Variants in VAV3 observed in about 807,000 individuals in gnomAD.
The protein encoded by VAV3 is vav guanine nucleotide exchange factor 3, also known as guanine nucleotide exchange factor VAV3.
VAV3 carries 94 observed loss-of-function variants against 131.2 expected under a neutral mutation model. The observed-to-expected ratio is 0.72, with a 90% CI of 0.61 to 0.85. The LOEUF is 0.85. VAV3 is among the 40% of genes least tolerant of loss of function. The pLI, the probability that VAV3 is intolerant of heterozygous loss-of-function variation, is 0.00. For synonymous variants in VAV3, 349 were observed against 342.0 expected, an observed-to-expected ratio of 1.02 and a Z score of -0.22; for missense variants, 939 against 1,002.7, an observed-to-expected ratio of 0.94 and a Z score of 0.86.
intron 18 of VAV3, among the ~76,000 whole-genome samples, chr1:107,687,170 A>G (rs1370207225): frequency 6.6e-6 from 1 of 151,988 alleles, no homozygotes; most frequent in Non-Finnish European, 1.5e-5. Flanking sequence ...ATGGCCTATT[A>G]AAAAAATCAC....
intron 2 of VAV3, among the ~76,000 whole-genome samples, chr1:107,865,594 A>T (rs1669947055): frequency 6.6e-6 from 1 of 152,190 alleles, no homozygotes; most frequent in Admixed American, 6.5e-5. Flanking sequence ...AAGGTTAGAA[A>T]GGTAGGCAGA....
chr1:107,933,934 CTTCT>C (rs934211701), intron 1 of VAV3, among the ~76,000 whole-genome samples: 32 of 152,058 alleles, frequency 2.1e-4, no homozygotes, highest in African/African-American at 7.5e-4. Flanking sequence ...GTTACAGTTT[CTTCT>C]TTGGCCCTTA....
chr1:107,821,760 G>A (rs924651077), intron 2 of VAV3, among the ~76,000 whole-genome samples: 4 of 152,206 alleles, frequency 2.6e-5, no homozygotes, highest in African/African-American at 9.7e-5. Flanking sequence ...TTGCAGGAAG[G>A]CAAGAGCAGG....
At chr1:107,607,538 T>TA (rs1652379123) in intron 22 of VAV3, among the ~76,000 whole-genome samples, 1 of 152,152 alleles carries the variant, frequency 6.6e-6, no homozygotes, top group African/African-American at 2.4e-5. Flanking sequence ...ATCTAGGCCC[T>TA]ACATGGTTCA....
intron 12 of VAV3, among the ~76,000 whole-genome samples, chr1:107,754,690 GC>G (rs1225260145): frequency 1.3e-5 from 2 of 152,126 alleles, no homozygotes; most frequent in African/African-American, 4.8e-5. Flanking sequence ...ATTCCTCATG[GC>G]TCAGAGCCCA....
At chr1:107,879,686 G>A (rs1670674515) in intron 1 of VAV3, among the ~76,000 whole-genome samples, 1 of 141,520 alleles carries the variant, frequency 7.1e-6, no homozygotes, top group African/African-American at 2.7e-5. Flanking sequence ...CCAGCTCACT[G>A]TTTCATAACC....
intron 2 of VAV3, among the ~76,000 whole-genome samples, chr1:107,867,560 C>T (rs1403429313): frequency 6.6e-6 from 1 of 152,156 alleles, no homozygotes; most frequent in Non-Finnish European, 1.5e-5. Context: ...GCTGTTCCCT[C>T]CTCCTTTGCC....
At chr1:107,904,809 C>A (rs1672024924) in intron 1 of VAV3, among the ~76,000 whole-genome samples, 1 of 151,588 alleles carries the variant, frequency 6.6e-6, no homozygotes, top group African/African-American at 2.4e-5. Context: ...GAGAGGCACA[C>A]AATAATGAAC....
Position 107,795,982 on chromosome 1 carries a change from G to T in VAV3, c.322-16490C>A, listed in dbSNP as rs183468737. Reference sequence around the variant, plus strand: ...CCATTAAATCCTAATTCTCAGAGTTGAAGAAGATTGGGTAAAAGCTCAAGA... The same window carrying T: ...CCATTAAATCCTAATTCTCAGAGTTTAAGAAGATTGGGTAAAAGCTCAAGA... On this transcript the variant is annotated intron_variant, in intron 2 of 26. Coordinates refer to ENST00000370056, the MANE Select transcript of VAV3 (RefSeq NM_006113.5). Among the ~76,000 whole-genome samples, 222 of 152,168 alleles carry T rather than the reference G, an allele frequency of 1.5e-3. 2 individuals carry two copies. Among genetic ancestry groups the T allele is most frequent in the African/African-American group, 5.2e-3 (215 of 41,522 alleles).
chr1:107,961,514 T>C (rs976818176), intron 1 of VAV3, among the ~76,000 whole-genome samples: 18 of 152,186 alleles, frequency 1.2e-4, no homozygotes, highest in Non-Finnish European at 2.5e-4. Context: ...ATCTAACATA[T>C]ACAGACACCA....
At chr1:107,612,120 G>A (rs973916640) in intron 21 of VAV3, among the ~76,000 whole-genome samples, 182 of 148,638 alleles carry the variant, frequency 1.2e-3, no homozygotes, top group African/African-American at 4.3e-3. Flanking sequence ...TATAGTATCC[G>A]TACAAAATTA....
chr1:107,791,380 A>G (rs1285256407), intron 2 of VAV3, among the ~76,000 whole-genome samples: 3 of 22,676 alleles, frequency 1.3e-4, no homozygotes, highest in African/African-American at 2.5e-4. Context: ...TTTTTTGGTG[A>G]TATCAAAAAA....
chr1:107,904,023 G>A (rs1671992194), intron 1 of VAV3, among the ~76,000 whole-genome samples: 1 of 151,962 alleles, frequency 6.6e-6, no homozygotes, highest in Non-Finnish European at 1.5e-5. Context: ...CTTCTTCCTG[G>A]CTAACCTATC....
At chr1:107,600,670 A>C (rs1212755045) in intron 24 of VAV3, among the ~76,000 whole-genome samples, 1 of 152,116 alleles carries the variant, frequency 6.6e-6, no homozygotes, top group African/African-American at 2.4e-5. Context: ...CTTTCACTAT[A>C]ATCACAGCTT....
chr1:107,825,469 C>T (rs1189906654), intron 2 of VAV3, among the ~76,000 whole-genome samples: 1 of 151,112 alleles, frequency 6.6e-6, no homozygotes. Flanking sequence ...AAAAAAAAAA[C>T]TGCCTAAGCC....
At chr1:107,891,311 C>G (rs1404240298) in intron 1 of VAV3, among the ~76,000 whole-genome samples, 1 of 152,186 alleles carries the variant, frequency 6.6e-6, no homozygotes, top group African/African-American at 2.4e-5. Flanking sequence ...GATGTTATAT[C>G]ATTTTAATCA....
intron 1 of VAV3, among the ~76,000 whole-genome samples, chr1:107,884,274 A>C (rs1241365902): frequency 2.6e-5 from 4 of 151,840 alleles, no homozygotes; most frequent in African/African-American, 9.7e-5. Context: ...ACAAAGGATA[A>C]ATGTTTGAGG....
chr1:107,737,339 G>C (rs1055571226), intron 15 of VAV3, among the ~76,000 whole-genome samples: 4 of 152,138 alleles, frequency 2.6e-5, no homozygotes, highest in African/African-American at 9.7e-5. Flanking sequence ...GGCAACAAAA[G>C]CCAAAATTGA....
chr1:107,704,701 C>T, intron 16 of VAV3, 51 bp from the exon 17 acceptor site: 1 of 1,444,630 alleles, frequency 6.9e-7, no homozygotes, highest in South Asian at 1.2e-5. Context: ...AAATTCTGCC[C>T]ATATGAAATT....
Sources: gnomAD v4.1 joint callset for allele counts (sites outside exome capture counted in the v4.1 genomes callset) on GRCh38, gnomAD v4.1.1 for gene constraint, MANE v1.5 for transcripts, NCBI Gene and HGNC (gene_info 2026-07-23, HGNC 2026-07-21) for gene names.